The following DCC variants were observed in gnomAD, a reference collection of about 807,000 sequenced individuals.
DCC encodes DCC netrin 1 receptor.
DCC carries 58 observed loss-of-function variants against 172.5 expected under a neutral mutation model. The ratio of observed to expected loss-of-function variants is 0.34; its 90% CI spans 0.27 to 0.42. DCC has a LOEUF of 0.42. DCC is among the 10% of genes least tolerant of loss of function. The probability of loss-of-function intolerance (pLI) is 1.00; values close to 1 mark genes in which losing one functional copy is unlikely to be tolerated. For missense variants in DCC, 1,740 were observed against 1,791.0 expected, an observed-to-expected ratio of 0.97 and a Z score of 0.51; for synonymous variants, 709 against 644.5, an observed-to-expected ratio of 1.10 and a Z score of -1.52.
intron 14 of DCC, among the ~76,000 whole-genome samples, chr18:53,322,726 A>G (rs933460892): frequency 1.1e-4 from 17 of 151,714 alleles, no homozygotes; most frequent in Non-Finnish European, 2.2e-4. Context: ...AATTAAATAT[A>G]AGCATAATCC....
chr18:53,270,197 A>G (rs140930252), intron 12 of DCC, among the ~76,000 whole-genome samples: 2 of 152,148 alleles, frequency 1.3e-5, no homozygotes, highest in South Asian at 2.1e-4. Flanking sequence ...CAGATGCACA[A>G]TATCTGCAGT....
chr18:52,772,336 T>C (rs902048583), intron 2 of DCC, among the ~76,000 whole-genome samples: 9 of 152,334 alleles, frequency 5.9e-5, no homozygotes, highest in African/African-American at 2.2e-4. Flanking sequence ...TAAGTGTGTA[T>C]TGTGGGGCAC....
intron 21 of DCC, among the ~76,000 whole-genome samples, chr18:53,425,314 A>T (rs1465327178): frequency 6.7e-6 from 1 of 150,020 alleles, no homozygotes; most frequent in Non-Finnish European, 1.5e-5. Flanking sequence ...CAACTCTTTG[A>T]AGTGCTCTAA....
intron 7 of DCC, among the ~76,000 whole-genome samples, chr18:53,091,867 A>C (rs201953482): frequency 6.8e-5 from 8 of 117,660 alleles, no homozygotes; most frequent in Non-Finnish European, 1.2e-4. Flanking sequence ...ATCTATATAT[A>C]TATATATATC....
chr18:52,902,033 G>T (rs1355970127), intron 2 of DCC, among the ~76,000 whole-genome samples: 1 of 152,170 alleles, frequency 6.6e-6, no homozygotes, highest in East Asian at 1.9e-4. Flanking sequence ...CATGACTAGA[G>T]ATTTGATAGG....
At chr18:53,377,787 G>A (rs144654116) in intron 15 of DCC, among the ~76,000 whole-genome samples, 119 of 152,244 alleles carry the variant, frequency 7.8e-4, no homozygotes, top group African/African-American at 2.7e-3. Flanking sequence ...TGTTATTATT[G>A]TCTTCAAGTT....
intron 1 of DCC, among the ~76,000 whole-genome samples, chr18:52,720,807 C>T (rs1599046661): frequency 6.6e-6 from 1 of 152,184 alleles, no homozygotes; most frequent in Non-Finnish European, 1.5e-5. Context: ...GTTTGATGTA[C>T]TAGGTGCACA....
chr18:53,105,436 G>A (rs1430968667), intron 7 of DCC, among the ~76,000 whole-genome samples: 1 of 151,900 alleles, frequency 6.6e-6, no homozygotes, highest in Admixed American at 6.6e-5. Context: ...TACAAACATT[G>A]TTTTTCTCTC....
intron 1 of DCC, among the ~76,000 whole-genome samples, chr18:52,393,220 C>T (rs947114618): frequency 2.0e-5 from 3 of 152,178 alleles, no homozygotes; most frequent in African/African-American, 4.8e-5. Context: ...ATGACATGCC[C>T]ATTCATAACA....
intron 1 of DCC, among the ~76,000 whole-genome samples, chr18:52,515,078 A>G (rs2031581399): frequency 6.6e-6 from 1 of 152,194 alleles, no homozygotes; most frequent in South Asian, 2.1e-4. Flanking sequence ...ACAATGTGAT[A>G]TTAGCAGAAG....
rs529883462 is a variant in DCC, at chr18:52,388,011, G to A, written c.91+47133G>A. On this transcript the variant is annotated intron_variant, in intron 1 of 28. Coordinates refer to ENST00000442544, the MANE Select transcript of DCC (RefSeq NM_005215.4). ...CTTCAGCATGGCACATGCATCCATG[G>A]GCATACTAATCACATCGTGGTCTAT... 2.0e-5 allele frequency among the ~76,000 whole-genome samples: 3 copies of A among 152,070 alleles called. 1 individual carries two copies. The South Asian group carries it at 6.2e-4, about 31-fold the overall frequency.
At chr18:53,013,103 A>G (rs1184088976) in intron 5 of DCC, among the ~76,000 whole-genome samples, 6 of 152,170 alleles carry the variant, frequency 3.9e-5, no homozygotes, top group Admixed American at 3.9e-4. Flanking sequence ...AGAAATAAGA[A>G]CACATTTACA....
At chr18:53,502,268 G>A (rs903595090) in intron 27 of DCC, among the ~76,000 whole-genome samples, 7 of 151,932 alleles carry the variant, frequency 4.6e-5, no homozygotes, top group South Asian at 2.1e-4. Flanking sequence ...GGCATGCCCC[G>A]CCATCCCTTT....
At chr18:52,847,048 G>A (rs2038905635) in intron 2 of DCC, among the ~76,000 whole-genome samples, 1 of 152,108 alleles carries the variant, frequency 6.6e-6, no homozygotes, top group Admixed American at 6.5e-5. Context: ...TAAATGGAAC[G>A]CTTTCTACTG....
intron 12 of DCC, among the ~76,000 whole-genome samples, chr18:53,273,767 A>G (rs1466488075): frequency 6.6e-6 from 1 of 150,994 alleles, no homozygotes; most frequent in Admixed American, 6.6e-5. Flanking sequence ...TTCAATATGA[A>G]TCTTCTTCTC....
At chr18:53,001,504 T>G (rs2041564040) in intron 5 of DCC, among the ~76,000 whole-genome samples, 1 of 152,108 alleles carries the variant, frequency 6.6e-6, no homozygotes, top group African/African-American at 2.4e-5. Flanking sequence ...GAGTAGCAAT[T>G]TATGAGAACA....
chr18:53,364,438 AT>A (rs1228905902), intron 15 of DCC, among the ~76,000 whole-genome samples: 2 of 152,050 alleles, frequency 1.3e-5, no homozygotes, highest in Non-Finnish European at 2.9e-5. Context: ...GGCCCAGCAA[AT>A]TTTTATGGAT....
chr18:52,700,350 CTCACAT>C (rs2036100457), intron 1 of DCC, among the ~76,000 whole-genome samples: 1 of 139,324 alleles, frequency 7.2e-6, no homozygotes, highest in Non-Finnish European at 1.6e-5. Flanking sequence ...TGCACACTCA[CTCACAT>C]GCACACACAC....
At chr18:52,426,814 T>C (rs1382328335) in intron 1 of DCC, among the ~76,000 whole-genome samples, 1 of 152,110 alleles carries the variant, frequency 6.6e-6, no homozygotes, top group Admixed American at 6.6e-5. Flanking sequence ...ATCAGAGAAA[T>C]TGAATTTGAA....
Sources: allele counts gnomAD v4.1 joint callset (sites outside exome capture counted in the v4.1 genomes callset), GRCh38; gene constraint gnomAD v4.1.1; transcripts MANE v1.5; gene names NCBI Gene and HGNC (gene_info 2026-07-23, HGNC 2026-07-21).